The following LIMCH1 variants were observed in gnomAD, a reference collection of about 807,000 sequenced individuals.
LIMCH1 encodes the protein LIM and calponin homology domains-containing protein 1.
In LIMCH1, 113 loss-of-function variants were observed where a neutral mutation model predicts 176.5. The observed-to-expected ratio is 0.64, with a 90% CI of 0.55 to 0.75. LIMCH1 has a LOEUF of 0.75. LIMCH1 is among the 30% of genes least tolerant of loss of function. The probability of loss-of-function intolerance (pLI) is 0.00; values close to 1 mark genes in which losing one functional copy is unlikely to be tolerated. For missense variants in LIMCH1, 1,674 were observed against 1,814.9 expected (o/e 0.92, Z 1.41); for synonymous variants, 619 against 645.9 (o/e 0.96, Z 0.63).
At chr4:41,458,097 G>A (rs1017253637) in intron 1 of LIMCH1, among the ~76,000 whole-genome samples, 7 of 152,142 alleles carry the variant, frequency 4.6e-5, no homozygotes, top group Non-Finnish European at 7.4e-5. Context: ...TTACCCTGAT[G>A]TAATTATTAT....
At chr4:41,532,700 C>T (rs2077459703) in intron 3 of LIMCH1, among the ~76,000 whole-genome samples, 6 of 152,166 alleles carry the variant, frequency 3.9e-5, no homozygotes, top group Admixed American at 3.9e-4. Flanking sequence ...ATAAGTTAGT[C>T]CCCTTGCGCA....
In LIMCH1 at chr4:41,479,257, CTTTT is replaced by C. The variant is rs140336591; in HGVS notation, c.97-15277_97-15274del. ...ATATAACCACCATGCCATTATCACT[CTTTT>C]TGTTTGTTCAAAATAGTATTTCACT... On this transcript the variant is annotated intron_variant, in intron 1 of 26. Coordinates refer to the LIMCH1 transcript ENST00000313860. 6.4e-3 allele frequency among the ~76,000 whole-genome samples: 975 copies of C among 152,296 alleles called. 6 individuals are homozygous for C. The highest frequency in any genetic ancestry group is 0.023 in the African/African-American group (948 of 41,544).
At position 41,692,347 on chromosome 4, in the gene LIMCH1, T is replaced by C; in HGVS notation, c.4341T>C (p.Gly1447=). ...VSGTDVRIRN[G]LLNCNDCYMR... is the part of the protein sequence containing the mutation. ...GGACGGATGTTAGGATTCGAAATGG[T>C]CTCCTGAACTGTAATGATTGCTACA... is the stretch of plus-strand genomic sequence containing the variant. The change falls in exon 31 of 32, where the codon GGT becomes GGC. Residue 1447 remains glycine, a synonymous_variant. Coordinates refer to ENST00000503057, the MANE Select transcript of LIMCH1 (RefSeq NM_001330672.2). The C allele has an allele frequency of 1.9e-6, 3 of 1,613,288 alleles. No individual in the cohort carries two copies. Among genetic ancestry groups the C allele is most frequent in the Non-Finnish European group, 2.5e-6 (3 of 1,179,396 alleles).
At chr4:41,568,414 G>T (rs2083063567) in intron 1 of LIMCH1, among the ~76,000 whole-genome samples, 1 of 152,226 alleles carries the variant, frequency 6.6e-6, no homozygotes, top group African/African-American at 2.4e-5. Context: ...CACAAGAACT[G>T]TTGCATTCCC....
chr4:41,402,259 A>G (rs2058523850), intron 1 of LIMCH1, among the ~76,000 whole-genome samples: 1 of 152,122 alleles, frequency 6.6e-6, no homozygotes, highest in Non-Finnish European at 1.5e-5. Context: ...AGAAATGCAA[A>G]TCAAAACCAC....
At chr4:41,395,542 C>T (rs1266523697) in intron 1 of LIMCH1, among the ~76,000 whole-genome samples, 3 of 151,994 alleles carry the variant, frequency 2.0e-5, no homozygotes, top group Non-Finnish European at 2.9e-5. Flanking sequence ...CGTGTCCGGC[C>T]GAATATTTTT....
chr4:41,399,675 G>A (rs2058167209), intron 1 of LIMCH1, among the ~76,000 whole-genome samples: 2 of 118,496 alleles, frequency 1.7e-5, no homozygotes, highest in African/African-American at 6.6e-5. Flanking sequence ...AATCCTATGA[G>A]GTGGATACTC....
chr4:41,500,935 A>G (rs957868835), intron 2 of LIMCH1, among the ~76,000 whole-genome samples: 13 of 152,332 alleles, frequency 8.5e-5, no homozygotes, highest in South Asian at 2.1e-4. Context: ...GACAAATGAG[A>G]GAGGTGGACC....
intron 23 of LIMCH1, among the ~76,000 whole-genome samples, chr4:41,679,634 A>G (rs1714015857): frequency 6.6e-6 from 1 of 152,166 alleles, no homozygotes; most frequent in Admixed American, 6.5e-5. Context: ...CCTCGCAGCA[A>G]TGCATTTCTA....
At chr4:41,650,735 T>C (rs1263205517) in intron 18 of LIMCH1, 127 bp downstream of exon 18, 8 of 783,288 alleles carry the variant, frequency 1.0e-5, no homozygotes. Context: ...TTGCTAGGGC[T>C]GCTGTAAGTA....
chr4:41,611,992 A>T (rs2091473826), intron 4 of LIMCH1, among the ~76,000 whole-genome samples: 1 of 152,150 alleles, frequency 6.6e-6, no homozygotes, highest in African/African-American at 2.4e-5. Context: ...CATAACTGGA[A>T]TTTCTGCCTT....
At chr4:41,684,133 C>T (rs761802753) in intron 26 of LIMCH1, among the ~76,000 whole-genome samples, 2 of 152,208 alleles carry the variant, frequency 1.3e-5, no homozygotes, top group African/African-American at 4.8e-5. Flanking sequence ...TTAGCTCTGG[C>T]ATTCCTTGAA....
At chr4:41,407,153 C>T (rs4861103) in intron 1 of LIMCH1, among the ~76,000 whole-genome samples, 128,874 of 152,034 alleles carry the variant, frequency 0.85, 55,658 homozygotes, top group East Asian at 0.99. Flanking sequence ...TGTTGGTCCT[C>T]GTGTTTGTTC....
Position 41,660,189 on chromosome 4 carries a change from C to A in LIMCH1, c.3037-1231C>A, listed in dbSNP as rs541512006. 3.9e-5 allele frequency among the ~76,000 whole-genome samples: 6 copies of A among 152,178 alleles called. No homozygotes were observed. The South Asian group carries it at 1.2e-3, about 32-fold the overall frequency. On this transcript the variant is annotated intron_variant, in intron 18 of 31. Transcript: ENST00000503057. The stretch of plus-strand genomic sequence containing the variant: ...AGTAAGTATTTTCACGTATCATTAA[C>A]TATTATTCAACATCTTATTTTTTCA...
At chr4:41,569,146 T>C (rs1369195090) in intron 1 of LIMCH1, among the ~76,000 whole-genome samples, 1 of 152,174 alleles carries the variant, frequency 6.6e-6, no homozygotes, top group East Asian at 1.9e-4. Flanking sequence ...TCATGATAAA[T>C]AATGCTGCGT....
At chr4:41,519,816 A>T (rs1583426040) in intron 2 of LIMCH1, among the ~76,000 whole-genome samples, 1 of 152,198 alleles carries the variant, frequency 6.6e-6, no homozygotes, top group African/African-American at 2.4e-5. Context: ...CCTGAATAGG[A>T]GGCAAAGCTA....
At chr4:41,649,765 G>T (rs772227206) in intron 17 of LIMCH1, among the ~76,000 whole-genome samples, 11 of 152,144 alleles carry the variant, frequency 7.2e-5, no homozygotes, top group Non-Finnish European at 1.3e-4. Flanking sequence ...TGCTCCAACT[G>T]CCTCCCCTCG....
In LIMCH1 at chr4:41,360,786, GCGA is replaced by G; in HGVS notation, c.-52_-50del. Reference sequence around the variant, plus strand: ...GGGCGGGGAGCGCGCTCCTGCGGCGGCGACGGCGGCGGCCGTCCTCATCCCGGC... The same window carrying G: ...GGGCGGGGAGCGCGCTCCTGCGGCGGCGGCGGCGGCCGTCCTCATCCCGGC... On this transcript the variant is annotated 5_prime_UTR_variant, in exon 1 of 27. Coordinates refer to the LIMCH1 transcript ENST00000313860. The surrounding 1 kb of genome is among the most constrained non-coding windows in gnomAD (Gnocchi z 4.5). 4.7e-5 allele frequency: 64 copies of G among 1,363,558 alleles called. No homozygotes were observed. Among genetic ancestry groups the G allele is most frequent in the Middle Eastern group, 2.5e-4 (1 of 3,968 alleles). 84.5% of individuals were successfully genotyped at this position (1,363,558 alleles called of 1,614,324 possible).
chr4:41,438,376 CTT>C (rs540920543), intron 1 of LIMCH1, among the ~76,000 whole-genome samples: 7 of 146,672 alleles, frequency 4.8e-5, no homozygotes, highest in Non-Finnish European at 4.5e-5. Flanking sequence ...CTTTTCTTTT[CTT>C]TTTTTTTTTT....
Sources: allele counts gnomAD v4.1 joint callset (sites outside exome capture counted in the v4.1 genomes callset), GRCh38; gene constraint gnomAD v4.1.1; non-coding constraint Gnocchi (gnomAD v3.1); transcripts MANE v1.5; gene names NCBI Gene and HGNC (gene_info 2026-07-23, HGNC 2026-07-21).